The following AGBL1 variants were observed in gnomAD, a reference collection of about 807,000 sequenced individuals.
AGBL1 encodes the protein cytosolic carboxypeptidase 4.
Under a neutral mutation model 118.9 loss-of-function variants are expected in AGBL1, and 130 were observed. The observed-to-expected ratio is 1.09, with a 90% CI of 0.95 to 1.26. AGBL1 has a LOEUF of 1.26. Ranked by LOEUF, AGBL1 falls within the 50% of genes most tolerant of loss-of-function variation. The probability of loss-of-function intolerance (pLI) is 0.00; values close to 1 mark genes in which losing one functional copy is unlikely to be tolerated. For synonymous variants in AGBL1, 555 were observed against 478.9 expected (o/e 1.16, Z -2.08); for missense variants, 1,584 against 1,298.1 (o/e 1.22, Z -3.38).
chr15:86,458,024 G>GT (rs1376700036), intron 18 of AGBL1, among the ~76,000 whole-genome samples: 1 of 151,596 alleles, frequency 6.6e-6, no homozygotes, highest in Non-Finnish European at 1.5e-5. Context: ...AGGGAGAAAT[G>GT]ATTTTCCTAC....
At chr15:86,355,967 C>CACCAGA (rs1471177709) in intron 17 of AGBL1, among the ~76,000 whole-genome samples, 1 of 152,186 alleles carries the variant, frequency 6.6e-6, no homozygotes, top group Non-Finnish European at 1.5e-5. Flanking sequence ...ACTCTGCTTG[C>CACCAGA]CTGTCTTCTT....
At chr15:86,941,729 C>G (rs753951081) in intron 23 of AGBL1, among the ~76,000 whole-genome samples, 9 of 152,174 alleles carry the variant, frequency 5.9e-5, no homozygotes, top group Non-Finnish European at 4.4e-5. Context: ...ACAAAGTGCT[C>G]AAAGAAGAGC....
chr15:86,369,562 G>A (rs1255378463), intron 17 of AGBL1, among the ~76,000 whole-genome samples: 1 of 152,136 alleles, frequency 6.6e-6, no homozygotes, highest in Non-Finnish European at 1.5e-5. Context: ...ATGAGTGTGT[G>A]TATGTAACCA....
At chr15:86,995,312 G>A (rs2081370004) in intron 24 of AGBL1, among the ~76,000 whole-genome samples, 1 of 152,114 alleles carries the variant, frequency 6.6e-6, no homozygotes, top group African/African-American at 2.4e-5. Flanking sequence ...CCTGAGCCCG[G>A]GAGGTCAAGG....
At chr15:86,180,590 G>A (rs1047892645) in intron 5 of AGBL1, among the ~76,000 whole-genome samples, 1 of 152,018 alleles carries the variant, frequency 6.6e-6, no homozygotes, top group African/African-American at 2.4e-5. Flanking sequence ...AAACACAGAG[G>A]AAAACCTTTG....
At chr15:86,679,645 G>A (rs2085915539) in intron 22 of AGBL1, among the ~76,000 whole-genome samples, 1 of 142,732 alleles carries the variant, frequency 7.0e-6, no homozygotes, top group Non-Finnish European at 1.6e-5. Flanking sequence ...TTCAAAATGA[G>A]AATGACTCTA....
At chr15:86,906,935 A>C (rs2080288534) in intron 22 of AGBL1, among the ~76,000 whole-genome samples, 152 bp from the exon 23 acceptor site, 1 of 152,008 alleles carries the variant, frequency 6.6e-6, no homozygotes, top group Non-Finnish European at 1.5e-5. Flanking sequence ...CAACCAATTG[A>C]ATGTGTTCCC....
intron 24 of AGBL1, among the ~76,000 whole-genome samples, chr15:86,997,890 GAC>G (rs3030280): frequency 0.18 from 26,597 of 145,362 alleles, 2,334 homozygotes; most frequent in East Asian, 0.23. Flanking sequence ...ACATGTGGAA[GAC>G]ACACACACAC....
chr15:86,636,756 T>TACACAC (rs1403602693), intron 21 of AGBL1, among the ~76,000 whole-genome samples: 1 of 51,520 alleles, frequency 1.9e-5, no homozygotes, highest in Non-Finnish European at 3.2e-5. Flanking sequence ...TATATATATA[T>TACACAC]ATACACATAC....
chr15:86,148,286 G>T (rs915871672), intron 3 of AGBL1, among the ~76,000 whole-genome samples: 55 of 152,192 alleles, frequency 3.6e-4, no homozygotes, highest in African/African-American at 1.3e-3. Flanking sequence ...TGACTGATGA[G>T]CTGACAGAAA....
chr15:86,194,217 T>C (rs1336264443), intron 5 of AGBL1, among the ~76,000 whole-genome samples: 2 of 152,172 alleles, frequency 1.3e-5, no homozygotes, highest in Non-Finnish European at 2.9e-5. Context: ...GCTCTATAAT[T>C]AGATTTTTCA....
At chr15:86,266,556 T>C in intron 12 of AGBL1, 99 bp downstream of exon 12, 2 of 825,542 alleles carry the variant, frequency 2.4e-6, no homozygotes, top group Non-Finnish European at 3.7e-6. Flanking sequence ...CTCCTCCTCC[T>C]AAAACAGCAT....
chr15:86,880,654 TGTGTGGATGTGAGTGG>T (rs903876252), intron 22 of AGBL1, among the ~76,000 whole-genome samples: 5 of 152,120 alleles, frequency 3.3e-5, no homozygotes, highest in African/African-American at 7.2e-5. Flanking sequence ...TGTATGCATG[TGTGTGGATGTGAGTGG>T]GTGTGGATGT....
chr15:86,537,359 C>T (rs752908253), intron 19 of AGBL1, among the ~76,000 whole-genome samples: 12 of 152,166 alleles, frequency 7.9e-5, no homozygotes, highest in Non-Finnish European at 1.5e-4. Flanking sequence ...TGCAACTGAG[C>T]GAGACAGATG....
At chr15:86,880,718 T>A (rs1267210028) in intron 22 of AGBL1, among the ~76,000 whole-genome samples, 1 of 152,144 alleles carries the variant, frequency 6.6e-6, no homozygotes, top group African/African-American at 2.4e-5. Flanking sequence ...TTTGTATATG[T>A]GTTGCTGGGT....
rs1300869195 is a variant in AGBL1, at chr15:86,530,005, T to G, written c.2685+7066T>G. Among the ~76,000 whole-genome samples, 8 of 134,452 alleles carry G rather than the reference T, an allele frequency of 6.0e-5. No individual in the cohort carries two copies. The South Asian group carries it at 1.8e-3, about 31-fold the overall frequency. The allele number at this position is 134,452 out of a possible 152,430, so 88.2% of individuals were successfully genotyped here. The stretch of plus-strand genomic sequence containing the variant: ...ACCGGTACCAGCCGCTGCAAAATCA[T>G]GCCAAAATGTAAAGACCATCGAGAC... On this transcript the variant is annotated intron_variant, in intron 19 of 22. Coordinates refer to ENST00000614907, the MANE Select transcript of AGBL1 (RefSeq NM_001386094.1).
chr15:86,475,169 C>G (rs897825462), intron 18 of AGBL1, among the ~76,000 whole-genome samples: 2 of 152,162 alleles, frequency 1.3e-5, no homozygotes, highest in African/African-American at 4.8e-5. Context: ...CAGAGTGCCT[C>G]TCCCCCTCCA....
chr15:86,185,683 G>A (rs553844579), intron 5 of AGBL1, among the ~76,000 whole-genome samples: 47 of 150,868 alleles, frequency 3.1e-4, no homozygotes, highest in African/African-American at 9.5e-4. Flanking sequence ...GCATGTTCCC[G>A]CTCATAGGTG....
At chr15:86,605,820 G>A (rs1261558490) in intron 21 of AGBL1, among the ~76,000 whole-genome samples, 2 of 151,858 alleles carry the variant, frequency 1.3e-5, no homozygotes, top group East Asian at 3.9e-4. Flanking sequence ...GCTAGAGGAG[G>A]CAGCATTGGT....
Sources: gnomAD v4.1 joint callset for allele counts (sites outside exome capture counted in the v4.1 genomes callset) on GRCh38, gnomAD v4.1.1 for gene constraint, MANE v1.5 for transcripts, NCBI Gene and HGNC (gene_info 2026-07-23, HGNC 2026-07-21) for gene names.